PRKG1: variants seen among roughly 807,000 people sequenced by gnomAD.
PRKG1 encodes the protein cGMP-dependent protein kinase 1.
A neutral mutation model predicts 88.1 loss-of-function variants in PRKG1; 35 were observed. The observed-to-expected ratio is 0.40, with a 90% CI of 0.30 to 0.53. The LOEUF is 0.53. PRKG1 is among the 20% of genes least tolerant of loss of function. PRKG1 has a pLI of 0.59. For synonymous variants in PRKG1, 303 were observed against 292.5 expected, an observed-to-expected ratio of 1.04 and a Z score of -0.37; for missense variants, 540 against 839.8, an observed-to-expected ratio of 0.64 and a Z score of 4.41.
Position 51,153,344 on chromosome 10 carries a change from C to A in PRKG1, c.478+14C>A, listed in dbSNP as rs774296191. The stretch of plus-strand genomic sequence containing the variant: ...ATGTCATGGAAGGTACGGTTTGTAA[C>A]TCCAATCCTCTGACATTCAAATATT... On this transcript the variant is annotated intron_variant, in intron 2 of 17. Transcript: ENST00000373980. The A allele has an allele frequency of 1.8e-5, 28 of 1,575,910 alleles. No homozygotes were observed. The highest frequency in any genetic ancestry group is 2.3e-5 in the Non-Finnish European group (27 of 1,158,252).
chr10:51,814,630 G>C (rs1839540006), intron 4 of PRKG1, among the ~76,000 whole-genome samples: 1 of 152,068 alleles, frequency 6.6e-6, no homozygotes. Context: ...CCATTTTCAA[G>C]TTGGTTTGCT....
intron 4 of PRKG1, among the ~76,000 whole-genome samples, chr10:51,816,544 T>TGTGC (rs1399833554): frequency 1.4e-5 from 2 of 146,674 alleles, no homozygotes; most frequent in Non-Finnish European, 3.0e-5. Flanking sequence ...GGCATGTGTG[T>TGTGC]GTGTGTGTGT....
chr10:51,033,875 G>A (rs975227548), intron 1 of PRKG1, among the ~76,000 whole-genome samples: 2 of 151,596 alleles, frequency 1.3e-5, no homozygotes, highest in East Asian at 1.9e-4. Context: ...CTTATTTCAA[G>A]TTTGTTCATT....
rs184683606 is a variant in PRKG1 at position 51,031,136 on chromosome 10, G to A, written c.266+39492G>A. Among the ~76,000 whole-genome samples the A allele has an allele frequency of 2.3e-3, 352 of 152,154 alleles. 8 individuals are homozygous for A. The highest frequency in any genetic ancestry group is 4.1e-4 in the Non-Finnish European group (28 of 68,002). On this transcript the variant is annotated intron_variant, in intron 1 of 17. Coordinates refer to the PRKG1 transcript ENST00000401604. ...ATTTGCATTTTCAAAAGTATTCATT[G>A]ATGAATCTTCTAAATTTTCCCTTTA...
intron 1 of PRKG1, among the ~76,000 whole-genome samples, chr10:51,053,121 T>C (rs1466874579): frequency 2.0e-5 from 3 of 151,982 alleles, no homozygotes; most frequent in African/African-American, 7.3e-5. Context: ...TCCCAGCTAC[T>C]CAGGACACTG....
intron 2 of PRKG1, among the ~76,000 whole-genome samples, chr10:51,461,597 G>A (rs293292): frequency 0.35 from 53,492 of 151,914 alleles, 10,470 homozygotes; most frequent in African/African-American, 0.51. Flanking sequence ...CATCTAGGGG[G>A]CAAGAGTTCA....
At chr10:51,234,225 C>G (rs1838920587) in intron 2 of PRKG1, among the ~76,000 whole-genome samples, 1 of 152,132 alleles carries the variant, frequency 6.6e-6, no homozygotes, top group Admixed American at 6.6e-5. Flanking sequence ...CCCACTTCCT[C>G]ACTATGGAAC....
chr10:51,824,654 T>C (rs1232364268), intron 4 of PRKG1, among the ~76,000 whole-genome samples: 1 of 152,168 alleles, frequency 6.6e-6, no homozygotes, highest in African/African-American at 2.4e-5. Flanking sequence ...TCTTGGCTTC[T>C]GGTGAGGCCT....
intron 2 of PRKG1, among the ~76,000 whole-genome samples, chr10:51,352,741 T>C (rs986775597): frequency 6.6e-6 from 1 of 152,018 alleles, no homozygotes; most frequent in African/African-American, 2.4e-5. Flanking sequence ...ATGCCGTCCT[T>C]CATAGAAATA....
At chr10:51,439,980 C>A (rs1249707991) in intron 2 of PRKG1, among the ~76,000 whole-genome samples, 1 of 151,782 alleles carries the variant, frequency 6.6e-6, no homozygotes. Context: ...TTAAAATTTT[C>A]TTTTAAAGTA....
chr10:51,270,123 T>C (rs1004858310), intron 2 of PRKG1, among the ~76,000 whole-genome samples: 1 of 152,060 alleles, frequency 6.6e-6, no homozygotes, highest in African/African-American at 2.4e-5. Flanking sequence ...TGTTGATAGC[T>C]TATGCTTGTA....
intron 5 of PRKG1, among the ~76,000 whole-genome samples, chr10:52,022,859 A>G (rs1299938858): frequency 1.3e-5 from 2 of 152,198 alleles, no homozygotes; most frequent in African/African-American, 2.4e-5. Flanking sequence ...TAGAATCCAC[A>G]GCAGAAAAAC....
intron 10 of PRKG1, among the ~76,000 whole-genome samples, chr10:52,257,565 C>T (rs1383480535): frequency 2.1e-5 from 3 of 139,702 alleles, no homozygotes; most frequent in Non-Finnish European, 4.9e-5. Flanking sequence ...ATTTATGCTA[C>T]ATCGGACACC....
intron 5 of PRKG1, among the ~76,000 whole-genome samples, chr10:52,020,828 C>T (rs1340836543): frequency 6.6e-6 from 1 of 152,072 alleles, no homozygotes; most frequent in East Asian, 1.9e-4. Flanking sequence ...TGCCCCGGCT[C>T]ACTCACCCAG....
chr10:51,473,142 A>G (rs1822689), intron 3 of PRKG1, among the ~76,000 whole-genome samples: 104,127 of 151,698 alleles, frequency 0.69, 36,938 homozygotes, highest in African/African-American at 0.8. Flanking sequence ...CATTGCATTT[A>G]TCTATTAAAG....
intron 5 of PRKG1, among the ~76,000 whole-genome samples, chr10:51,971,805 CTGAT>C (rs1843720172): frequency 6.6e-6 from 1 of 152,044 alleles, no homozygotes; most frequent in Non-Finnish European, 1.5e-5. Flanking sequence ...CATAGAGTTG[CTGAT>C]TGAGTGTTCA....
intron 2 of PRKG1, among the ~76,000 whole-genome samples, chr10:51,267,340 C>G (rs980284137): frequency 5.3e-5 from 8 of 151,934 alleles, no homozygotes; most frequent in Non-Finnish European, 4.4e-5. Flanking sequence ...CTTTCTTATG[C>G]CAATTATTAT....
intron 3 of PRKG1, among the ~76,000 whole-genome samples, chr10:51,600,367 A>C (rs1199195046): frequency 6.6e-6 from 1 of 152,208 alleles, no homozygotes; most frequent in Non-Finnish European, 1.5e-5. Context: ...AATCTCATTC[A>C]AATTTTGAGA....
chr10:51,933,479 G>T (rs2133010114), intron 5 of PRKG1, among the ~76,000 whole-genome samples: 1 of 152,006 alleles, frequency 6.6e-6, no homozygotes, highest in African/African-American at 2.4e-5. Flanking sequence ...CCCTTTTAAT[G>T]GTGAACTTCA....
Sources: gnomAD v4.1 joint callset for allele counts (sites outside exome capture counted in the v4.1 genomes callset) on GRCh38, gnomAD v4.1.1 for gene constraint, MANE v1.5 for transcripts, NCBI Gene and HGNC (gene_info 2026-07-23, HGNC 2026-07-21) for gene names.